Variants in AKAP12 observed in about 807,000 individuals in gnomAD.
The protein encoded by AKAP12 is A-kinase anchor protein 12.
AKAP12 carries 32 observed loss-of-function variants against 79.9 expected under a neutral mutation model. The ratio of observed to expected loss-of-function variants is 0.40; its 90% CI spans 0.30 to 0.54. AKAP12 has a LOEUF of 0.54. Among genes scored for constraint, AKAP12 ranks in the 20% least tolerant of loss-of-function variants. AKAP12 has a pLI of 0.48. For missense variants in AKAP12, 2,074 were observed against 2,177.0 expected (o/e 0.95, Z 0.94); for synonymous variants, 808 against 857.0 (o/e 0.94, Z 1.00).
intron 3 of AKAP12, among the ~76,000 whole-genome samples, chr6:151,335,997 C>T (rs1400178042): frequency 6.6e-6 from 1 of 152,128 alleles, no homozygotes; most frequent in African/African-American, 2.4e-5. Flanking sequence ...TGGTTAGCTA[C>T]CATTTATGAG....
intron 2 of AKAP12, among the ~76,000 whole-genome samples, chr6:151,300,230 T>G (rs1184370130): frequency 6.6e-6 from 1 of 152,174 alleles, no homozygotes; most frequent in Non-Finnish European, 1.5e-5. Flanking sequence ...TCTGATGATT[T>G]GATCATTTGT....
intron 3 of AKAP12, among the ~76,000 whole-genome samples, chr6:151,328,358 G>A (rs1289639323): frequency 7.3e-6 from 1 of 137,598 alleles, no homozygotes; most frequent in Non-Finnish European, 1.6e-5. Context: ...CAGTAAGGTG[G>A]CCGGGCGCGG....
In AKAP12 at chr6:151,288,212, TA is replaced by T. The variant is rs71014571; in HGVS notation, c.163-17522del. Among the ~76,000 whole-genome samples the T allele has an allele frequency of 5.1e-3, 760 of 148,888 alleles. 9 individuals are homozygous for T. The highest frequency in any genetic ancestry group is 0.017 in the African/African-American group (698 of 40,454). ...CATGTATCCCAGAACTTAAAGTATT[TA>T]AAAAAAAAAAAAGAATTATGGCTGG... On this transcript the variant is annotated intron_variant, in intron 2 of 4. Transcript: ENST00000402676.
intron 2 of AKAP12, among the ~76,000 whole-genome samples, chr6:151,271,870 G>C (rs549835981): frequency 2.2e-4 from 33 of 151,716 alleles, no homozygotes; most frequent in African/African-American, 7.5e-4. Flanking sequence ...ATGTTGGCCA[G>C]GTTGGTCTCG....
intron 2 of AKAP12, among the ~76,000 whole-genome samples, chr6:151,252,616 G>C (rs1481640695): frequency 6.6e-6 from 1 of 151,824 alleles, no homozygotes; most frequent in Non-Finnish European, 1.5e-5. Flanking sequence ...AGGTGAGCAT[G>C]GTGGCTCATG....
At chr6:151,319,975 C>G (rs1054356607) in intron 3 of AKAP12, 1 of 152,192 alleles carries the variant, frequency 6.6e-6, no homozygotes, top group African/African-American at 2.4e-5. Context: ...GCTTCTTTTC[C>G]TCCAAGGGCG....
In AKAP12 at chr6:151,353,518, C is replaced by G. The variant is rs766755160; in HGVS notation, c.5127C>G (p.Asn1709Lys). Residue 1709 changes from asparagine to lysine, a missense_variant, in exon 4 of 5, where the codon AAC (asparagine) becomes AAG (lysine). Asn to Lys is a moderately conservative substitution (Grantham distance 94). Coordinates refer to ENST00000402676, the MANE Select transcript of AKAP12 (RefSeq NM_005100.4). ...EKGDDVDDPE[N>K]QNSALADTDA... ...GTGATGATGTTGATGACCCTGAAAACCAGAACTCAGCCCTGGCTGATACTG... is the reference window on the plus strand; with the variant it reads ...GTGATGATGTTGATGACCCTGAAAAGCAGAACTCAGCCCTGGCTGATACTG... The G allele has an allele frequency of 1.2e-6, 2 of 1,614,016 alleles. No individual in the cohort carries two copies. The highest frequency in any genetic ancestry group is 2.2e-5 in the East Asian group (1 of 44,898).
chr6:151,354,336 A>G (rs1282433542), intron 4 of AKAP12, among the ~76,000 whole-genome samples: 1 of 124,190 alleles, frequency 8.1e-6, no homozygotes, highest in Admixed American at 8.6e-5. Flanking sequence ...AGTTACTTGC[A>G]GTTGCTAGTA....
chr6:151,323,515 T>C (rs1194974167), intron 3 of AKAP12, among the ~76,000 whole-genome samples: 1 of 150,668 alleles, frequency 6.6e-6, no homozygotes, highest in Non-Finnish European at 1.5e-5. Flanking sequence ...ATCGCGTCAT[T>C]GCACCCCAGC....
intron 3 of AKAP12, among the ~76,000 whole-genome samples, chr6:151,318,583 T>C (rs1022208941): frequency 1.2e-4 from 18 of 152,194 alleles, no homozygotes; most frequent in African/African-American, 4.1e-4. Flanking sequence ...ATGAGGACTC[T>C]CCACGTGAAT....
chr6:151,305,406 G>A lies in AKAP12; in HGVS notation c.163-341G>A, dbSNP rs542652505. Among the ~76,000 whole-genome samples, 6 of 152,248 alleles carry A rather than the reference G, an allele frequency of 3.9e-5. No individual in the cohort carries two copies. In the South Asian group the frequency reaches 1.2e-3, roughly 32 times the overall value. On this transcript the variant is annotated intron_variant, in intron 2 of 4. Transcript: ENST00000402676. The stretch of plus-strand genomic sequence containing the variant: ...GAGGTTTTTAAGTCTGCCTTCCATA[G>A]TAATTTGTAAGCTCAAAGCTCTGGG...
At chr6:151,355,343 G>A (rs922624579) in intron 4 of AKAP12, among the ~76,000 whole-genome samples, 4 of 144,376 alleles carry the variant, frequency 2.8e-5, no homozygotes, top group East Asian at 2.1e-4. Context: ...TCGCTCTGTC[G>A]CCAGGCTGGA....
At position 151,350,892 on chromosome 6, in the gene AKAP12, CA is replaced by C; in HGVS notation, c.2502del (p.Ala836ProfsTer20). 1 of 1,614,084 alleles carries C rather than the reference CA, an allele frequency of 6.2e-7. No individual in the cohort carries two copies. The highest frequency in any genetic ancestry group is 8.5e-7 in the Non-Finnish European group (1 of 1,180,012). ...EQAPVEDAGP[T>X]GANEDDSDVP... ...GCCCCTGTTGAAGACGCAGGGCCAA[CA>C]GGGGCCAACGAAGATGACTCTGATG... On this transcript the variant is annotated frameshift_variant, in exon 4 of 5. Coordinates refer to ENST00000402676, the MANE Select transcript of AKAP12 (RefSeq NM_005100.4). LOFTEE classifies it high-confidence loss of function. This position sits in a 1 kb window ranked among gnomAD's most constrained non-coding sequence, Gnocchi z 4.8.
At chr6:151,271,702 C>T (rs765931195) in intron 2 of AKAP12, among the ~76,000 whole-genome samples, 1 of 152,078 alleles carries the variant, frequency 6.6e-6, no homozygotes, top group Non-Finnish European at 1.5e-5. Flanking sequence ...CTCTGTCGCC[C>T]AGGCTGGAGT....
At chr6:151,302,314 A>T (rs1776880124) in intron 2 of AKAP12, among the ~76,000 whole-genome samples, 1 of 151,924 alleles carries the variant, frequency 6.6e-6, no homozygotes, top group African/African-American at 2.4e-5. Context: ...CTGGTGTAAC[A>T]TCTCTTTTTT....
At chr6:151,255,846 A>G (rs138136213) in intron 2 of AKAP12, among the ~76,000 whole-genome samples, 192 of 152,332 alleles carry the variant, frequency 1.3e-3, no homozygotes, top group Admixed American at 2.9e-3. Context: ...TGATGTGTAA[A>G]TAAATTTAGG....
At chr6:151,322,155 A>G (rs112017044) in intron 3 of AKAP12, among the ~76,000 whole-genome samples, 11,887 of 151,658 alleles carry the variant, frequency 0.078, 975 homozygotes, top group African/African-American at 0.2. Flanking sequence ...TGATCTGCCC[A>G]CCTCAGCCTC....
intron 3 of AKAP12, among the ~76,000 whole-genome samples, chr6:151,308,598 C>G (rs1777025300): frequency 6.6e-6 from 1 of 152,108 alleles, no homozygotes; most frequent in South Asian, 2.1e-4. Context: ...ATACCATAGC[C>G]CAGGGCTACA....
chr6:151,344,180 C>T (rs537717258), intron 3 of AKAP12, among the ~76,000 whole-genome samples: 10 of 152,214 alleles, frequency 6.6e-5, no homozygotes, highest in East Asian at 1.9e-4. Context: ...AAATCTTCTT[C>T]GCTATCTGAA....
Sources: allele counts gnomAD v4.1 joint callset (sites outside exome capture counted in the v4.1 genomes callset), GRCh38; gene constraint gnomAD v4.1.1; non-coding constraint Gnocchi (gnomAD v3.1); transcripts MANE v1.5; gene names NCBI Gene and HGNC (gene_info 2026-07-23, HGNC 2026-07-21).